ZNF35: variants seen among roughly 807,000 people sequenced by gnomAD.
The protein encoded by ZNF35 is zinc finger protein 35.
Under a neutral mutation model 45.9 loss-of-function variants are expected in ZNF35, and 31 were observed. That is an observed-to-expected ratio of 0.68 (90% CI 0.51 to 0.91). ZNF35 has a LOEUF of 0.91. Ranked by LOEUF, ZNF35 falls within the 40% of genes least tolerant of loss-of-function variation. The probability of loss-of-function intolerance (pLI) is 0.00; values close to 1 mark genes in which losing one functional copy is unlikely to be tolerated. For missense variants in ZNF35, 515 were observed against 625.4 expected (o/e 0.82, Z 1.88); for synonymous variants, 205 against 220.2 (o/e 0.93, Z 0.61).
At chr3:44,650,877 A>C (rs571646281) in intron 1 of ZNF35, 64 bp from the exon 2 acceptor site, 89 of 554,694 alleles carry the variant, frequency 1.6e-4, no homozygotes, top group Middle Eastern at 1.0e-3. Context: ...GGCATCCGGC[A>C]AATTTGCTAA....
In ZNF35 at chr3:44,659,039, G is replaced by A. The variant is rs746985754; in HGVS notation, c.676G>A (p.Val226Met). 45 of 1,614,218 alleles carry A rather than the reference G, an allele frequency of 2.8e-5. No homozygotes were observed. Among genetic ancestry groups the A allele is most frequent in the Non-Finnish European group, 3.4e-5 (40 of 1,180,040 alleles). ...TGGACAAAAGCCTTTTACGTGTAGC[G>A]TGTGTGGGAAAGGATTTAGTCAGAG... ...QLGQKPFTCS[V>M]CGKGFSQSAN... Residue 226 changes from valine (V) to methionine (M), a missense_variant, in exon 4 of 4, where the codon GTG becomes ATG. By Grantham distance (21) the Val-to-Met change is conservative (BLOSUM62 1). Transcript: ENST00000396056. The surrounding 1 kb of genome is among the most constrained non-coding windows in gnomAD (Gnocchi z 4.3).
In ZNF35 at chr3:44,658,855, G is replaced by A. The variant is rs139090092; in HGVS notation, c.492G>A (p.Arg164=). ...EACEKGNMLK[R]QRIKREKKDF... ...GTGAAAAGGGAAACATGTTAAAGAGGCAGAGAATAAAGAGAGAAAAGAAAG... is the reference window on the plus strand; with the variant it reads ...GTGAAAAGGGAAACATGTTAAAGAGACAGAGAATAAAGAGAGAAAAGAAAG... Residue 164 remains arginine (R), a synonymous_variant, in exon 4 of 4, where the codon AGG becomes AGA. Coordinates refer to ENST00000396056, the MANE Select transcript of ZNF35 (RefSeq NM_003420.4). The A allele has an allele frequency of 0.01, 16,651 of 1,613,458 alleles. 132 individuals carry two copies. Among genetic ancestry groups the A allele is most frequent in the South Asian group, 0.016 (1,442 of 90,820 alleles).
chr3:44,659,886 G>A lies in ZNF35; in HGVS notation c.1523G>A (p.Gly508Asp). Residue 508 changes from glycine to aspartate, a missense_variant, in exon 4 of 4, where the codon GGT (glycine) becomes GAT (aspartate). Around this residue, in one of 3 missense-constraint regions of ZNF35, gnomAD observed 232 missense variants for 304.6 expected, o/e 0.76. Transcript: ENST00000396056. The surrounding 1 kb of genome is among the most constrained non-coding windows in gnomAD (Gnocchi z 4.3). ...AAGCCCTATGAATGTGAGAAGTGTG[G>A]TGCAGCTTTCATTTCCAACTCACAC... ...GEKPYECEKCGAAFISNSHLM... is the reference protein window; with the variant it reads ...GEKPYECEKCDAAFISNSHLM... 2 of 1,601,602 alleles carry A rather than the reference G, an allele frequency of 1.2e-6. No individual in the cohort carries two copies. Among genetic ancestry groups the A allele is most frequent in the South Asian group, 2.2e-5 (2 of 89,336 alleles).
At chr3:44,655,774 C>T (rs1703289914) in intron 3 of ZNF35, among the ~76,000 whole-genome samples, 1 of 152,192 alleles carries the variant, frequency 6.6e-6, no homozygotes, top group Non-Finnish European at 1.5e-5. Flanking sequence ...TACAGTTGCA[C>T]CTGGTTTTGT....
At chr3:44,650,207 C>G (rs183816742) in intron 1 of ZNF35, among the ~76,000 whole-genome samples, 1 of 152,118 alleles carries the variant, frequency 6.6e-6, no homozygotes, top group East Asian at 1.9e-4. Flanking sequence ...TTAAAATAAG[C>G]ATGAAGAATG....
rs1019607540 is a variant in ZNF35, at chr3:44,649,713, CA to C, written c.-128+889del. Among the ~76,000 whole-genome samples the C allele has an allele frequency of 9.7e-3, 1,376 of 142,530 alleles. 22 individuals are homozygous for C. Among genetic ancestry groups the C allele is most frequent in the African/African-American group, 0.033 (1,291 of 38,978 alleles). 93.5% of individuals were successfully genotyped at this position (142,530 alleles called of 152,430 possible). ...TGATTATTCTAAAGGAATAATTCAG[CA>C]AAAAAAAAATATTTACAAAGAAAAA... On this transcript the variant is annotated intron_variant, in intron 1 of 3. Coordinates refer to ENST00000396056, the MANE Select transcript of ZNF35 (RefSeq NM_003420.4).
intron 2 of ZNF35, among the ~76,000 whole-genome samples, chr3:44,652,017 G>A (rs922642712): frequency 1.1e-4 from 16 of 152,074 alleles, no homozygotes; most frequent in African/African-American, 3.9e-4. Flanking sequence ...GAGGATGTCT[G>A]GGGGTGGTCT....
intron 3 of ZNF35, among the ~76,000 whole-genome samples, chr3:44,654,094 C>A (rs1445610214): frequency 3.9e-5 from 6 of 152,222 alleles, no homozygotes; most frequent in African/African-American, 1.4e-4. Flanking sequence ...GTGCATGTCA[C>A]TTATTTTCTG....
chr3:44,651,122 G>T lies in ZNF35; in HGVS notation c.55G>T (p.Val19Leu). 6.2e-7 allele frequency: 1 copy of T among 1,614,142 alleles called. No homozygotes were observed. Among genetic ancestry groups the T allele is most frequent in the East Asian group, 2.2e-5 (1 of 44,868 alleles). The change falls in exon 2 of 4, where the codon GTG (valine) becomes TTG (leucine). Residue 19 changes from valine (V) to leucine (L), a missense_variant. Val to Leu is a conservative substitution (Grantham distance 32, BLOSUM62 1). Around this residue, in one of 3 missense-constraint regions of ZNF35, gnomAD observed 275 missense variants for 295.7 expected, o/e 0.93. Transcript: ENST00000396056. ...CCTAGCCCCATGGGGCCCAGTGAAG[G>T]TGAAAAAGGAGGAGGAAGAAGAAGA... Reference protein sequence around the residue: ...MALAPWGPVKVKKEEEEEENF... With the variant: ...MALAPWGPVKLKKEEEEEENF...
chr3:44,649,067 C>G (rs906108955), intron 1 of ZNF35, among the ~76,000 whole-genome samples: 1 of 152,224 alleles, frequency 6.6e-6, no homozygotes, highest in Non-Finnish European at 1.5e-5. Context: ...AGATAGGTCC[C>G]AGGGACAGGG....
intron 2 of ZNF35, among the ~76,000 whole-genome samples, chr3:44,651,666 A>G (rs942753564): frequency 2.0e-5 from 3 of 152,024 alleles, no homozygotes; most frequent in African/African-American, 4.8e-5. Flanking sequence ...GTGTTTTGCA[A>G]TGCCGAAATA....
At position 44,659,234 on chromosome 3, in the gene ZNF35, T is replaced by C. The variant is rs747335043; in HGVS notation, c.871T>C (p.Ser291Pro). Reference sequence around the variant, plus strand: ...ATGTGGGAAAGCCTTCACTCAGAGTTCAAATCTGACTGTACATCAAAAAAT... The same window carrying C: ...ATGTGGGAAAGCCTTCACTCAGAGTCCAAATCTGACTGTACATCAAAAAAT... ...SKCGKAFTQS[S>P]NLTVHQKIHS... The change falls in exon 4 of 4, where the codon TCA becomes CCA. Residue 291 changes from serine (S) to proline (P), a missense_variant. This residue lies in a region of ZNF35 where 232 missense variants were observed against 304.6 expected (regional missense o/e 0.76). Transcript: ENST00000396056. The surrounding 1 kb of genome is among the most constrained non-coding windows in gnomAD (Gnocchi z 4.3). 6.2e-7 allele frequency: 1 copy of C among 1,614,060 alleles called. No individual in the cohort carries two copies.
intron 3 of ZNF35, among the ~76,000 whole-genome samples, chr3:44,656,687 C>CTT (rs530605241): frequency 3.7e-5 from 5 of 134,854 alleles, no homozygotes; most frequent in Non-Finnish European, 3.2e-5. Context: ...CTGCACCCGG[C>CTT]TTTTTTTTTT....
rs1271294423 is a variant in ZNF35, at chr3:44,652,609, C to A, written c.245C>A (p.Ala82Glu). 1 of 1,610,908 alleles carries A rather than the reference C, an allele frequency of 6.2e-7. No individual in the cohort carries two copies. The highest frequency in any genetic ancestry group is 8.5e-7 in the Non-Finnish European group (1 of 1,178,784). ...MAVVLKATQE[A>E]PAASTLGSYS... ...GTAGTCCTGAAAGCAACTCAGGAGG[C>A]ACCTGCTGCTTCAACCCTTGGCAGC... The change falls in exon 3 of 4, where the codon GCA (alanine) becomes GAA (glutamate). Residue 82 changes from alanine (A) to glutamate (E), a missense_variant. Physicochemically the swap from Ala to Glu is moderately radical, Grantham distance 107. Transcript: ENST00000396056.
At chr3:44,652,435 C>T (rs1703221092) in intron 2 of ZNF35, 122 bp from the exon 3 acceptor site, 1 of 1,104,554 alleles carries the variant, frequency 9.1e-7, no homozygotes, top group South Asian at 2.1e-5. Flanking sequence ...GCTTCCTTTT[C>T]TGTTTTTAAA....
chr3:44,659,237 A>T lies in ZNF35; in HGVS notation c.874A>T (p.Asn292Tyr). The change falls in exon 4 of 4, where the codon AAT becomes TAT. Residue 292 changes from asparagine (N) to tyrosine (Y), a missense_variant. By Grantham distance (143) the Asn-to-Tyr change is moderately radical. Coordinates refer to ENST00000396056, the MANE Select transcript of ZNF35 (RefSeq NM_003420.4). The surrounding 1 kb of genome is among the most constrained non-coding windows in gnomAD (Gnocchi z 4.3). Reference sequence around the variant, plus strand: ...TGGGAAAGCCTTCACTCAGAGTTCAAATCTGACTGTACATCAAAAAATCCA... The same window carrying T: ...TGGGAAAGCCTTCACTCAGAGTTCATATCTGACTGTACATCAAAAAATCCA... ...KCGKAFTQSS[N>Y]LTVHQKIHSL... The T allele has an allele frequency of 6.2e-7, 1 of 1,614,046 alleles. No individual in the cohort carries two copies. The highest frequency in any genetic ancestry group is 1.1e-5 in the South Asian group (1 of 91,044).
upstream of ZNF35, chr3:44,647,686 AAAT>A (rs1362543905): frequency 9.9e-5 from 15 of 152,218 alleles, no homozygotes; most frequent in Admixed American, 9.8e-4. Context: ...TGCTGAGTGA[AAAT>A]AATCACAAAA....
In ZNF35 at chr3:44,656,775, A is replaced by G. The variant is rs578195672; in HGVS notation, c.338-1926A>G. 4.9e-4 allele frequency among the ~76,000 whole-genome samples: 74 copies of G among 150,584 alleles called. No individual in the cohort carries two copies. The South Asian group carries it at 0.014, about 29-fold the overall frequency. ...TGCAGTGGTGCAGTCTCAGCTCAGTACAGCCTCCACCTCCCAAGTTCAAGT... is the reference window on the plus strand; with the variant it reads ...TGCAGTGGTGCAGTCTCAGCTCAGTGCAGCCTCCACCTCCCAAGTTCAAGT... On this transcript the variant is annotated intron_variant, in intron 3 of 3. Coordinates refer to ENST00000396056, the MANE Select transcript of ZNF35 (RefSeq NM_003420.4).
intron 3 of ZNF35, among the ~76,000 whole-genome samples, chr3:44,657,701 A>C (rs1205415884): frequency 1.3e-5 from 2 of 152,160 alleles, no homozygotes; most frequent in African/African-American, 4.8e-5. Flanking sequence ...GCTTTCCTTG[A>C]CACAATGCTA....
Sources: allele counts gnomAD v4.1 joint callset (sites outside exome capture counted in the v4.1 genomes callset), GRCh38; gene constraint gnomAD v4.1.1; regional missense constraint gnomAD v4.1.1; non-coding constraint Gnocchi (gnomAD v3.1); transcripts MANE v1.5; gene names NCBI Gene and HGNC (gene_info 2026-07-23, HGNC 2026-07-21).